The following PRICKLE2 variants were observed in gnomAD, a reference collection of about 807,000 sequenced individuals.
The protein encoded by PRICKLE2 is prickle planar cell polarity protein 2, also known as prickle-like protein 2.
A neutral mutation model predicts 81.4 loss-of-function variants in PRICKLE2; 21 were observed. That is an observed-to-expected ratio of 0.26 (90% CI 0.18 to 0.37). The LOEUF is 0.37. Ranked by LOEUF, PRICKLE2 falls within the 10% of genes least tolerant of loss-of-function variation. PRICKLE2 has a pLI of 1.00. For synonymous variants in PRICKLE2, 456 were observed against 421.5 expected (o/e 1.08, Z -1.00); for missense variants, 940 against 1,109.0 (o/e 0.85, Z 2.16).
At chr3:64,220,883 A>G (rs968092456) in intron 1 of PRICKLE2, among the ~76,000 whole-genome samples, 3 of 152,170 alleles carry the variant, frequency 2.0e-5, no homozygotes, top group African/African-American at 7.2e-5. Flanking sequence ...CCACCAGGGA[A>G]AGGCAGGCTC....
intron 7 of PRICKLE2, among the ~76,000 whole-genome samples, chr3:64,139,165 A>AGT (rs2077321705): frequency 6.6e-6 from 1 of 152,186 alleles, no homozygotes; most frequent in African/African-American, 2.4e-5. Context: ...TCCCTTGCCA[A>AGT]GGTGTGTAGA....
At chr3:64,114,551 A>T (rs2076903807) in intron 7 of PRICKLE2, among the ~76,000 whole-genome samples, 1 of 152,186 alleles carries the variant, frequency 6.6e-6, no homozygotes, top group Non-Finnish European at 1.5e-5. Flanking sequence ...GAGCTAAAAA[A>T]ACCCATTACA....
chr3:64,204,280 T>C (rs558934826), intron 1 of PRICKLE2, among the ~76,000 whole-genome samples: 5 of 152,314 alleles, frequency 3.3e-5, no homozygotes, highest in East Asian at 3.9e-4. Flanking sequence ...GCCATATGCC[T>C]GGCATTTAAG....
At chr3:64,149,824 T>TC (rs2077515360) in intron 6 of PRICKLE2, among the ~76,000 whole-genome samples, 1 of 151,972 alleles carries the variant, frequency 6.6e-6, no homozygotes, top group Admixed American at 6.6e-5. Flanking sequence ...ATTAGCTCTT[T>TC]CCCAAACTAT....
intron 7 of PRICKLE2, among the ~76,000 whole-genome samples, chr3:64,108,582 C>A (rs1025172036): frequency 2.0e-5 from 3 of 152,144 alleles, no homozygotes; most frequent in African/African-American, 4.8e-5. Context: ...AAAGTGTGAT[C>A]TGTGGACCAG....
chr3:64,248,775 A>T (rs2079397996), intron 2 of PRICKLE2, among the ~76,000 whole-genome samples: 1 of 152,096 alleles, frequency 6.6e-6, no homozygotes, highest in Non-Finnish European at 1.5e-5. Flanking sequence ...ATAATAGAAG[A>T]CTCTATAGAA....
At chr3:64,189,692 T>C (rs965409596) in intron 2 of PRICKLE2, among the ~76,000 whole-genome samples, 8 of 152,216 alleles carry the variant, frequency 5.3e-5, no homozygotes, top group African/African-American at 1.7e-4. Flanking sequence ...ATGGCTAGCA[T>C]GTGCCCAGCA....
At chr3:64,125,032 C>T (rs830008) in intron 7 of PRICKLE2, among the ~76,000 whole-genome samples, 87,110 of 152,030 alleles carry the variant, frequency 0.57, 25,357 homozygotes, top group East Asian at 0.84. Context: ...ATTAAGAACA[C>T]TCGTGATTCA....
intron 7 of PRICKLE2, among the ~76,000 whole-genome samples, chr3:64,136,923 A>G (rs2077288466): frequency 6.6e-6 from 1 of 152,246 alleles, no homozygotes; most frequent in South Asian, 2.1e-4. Context: ...TTGAATATTA[A>G]TGCAGTCATT....
At chr3:64,129,637 G>T (rs2106983420) in intron 7 of PRICKLE2, among the ~76,000 whole-genome samples, 1 of 152,258 alleles carries the variant, frequency 6.6e-6, no homozygotes, top group South Asian at 2.1e-4. Flanking sequence ...TGGAGTGACA[G>T]AAGGAACAAG....
At chr3:64,226,674 C>A (rs775393650), upstream of PRICKLE2, among the ~76,000 whole-genome samples, 1 of 152,154 alleles carries the variant, frequency 6.6e-6, no homozygotes, top group Non-Finnish European at 1.5e-5. Flanking sequence ...AAAAATTCAC[C>A]GAGGCATACT....
intron 2 of PRICKLE2, among the ~76,000 whole-genome samples, chr3:64,177,125 CTTTTTTTTTTTTTT>C (rs10690677): frequency 1.4e-5 from 1 of 70,838 alleles, no homozygotes; most frequent in African/African-American, 6.1e-5. Context: ...CCATTTTAAC[CTTTTTTTTTTTTTT>C]TTTTTTTTTT....
chr3:64,169,327 C>T (rs1575613857), intron 2 of PRICKLE2, among the ~76,000 whole-genome samples: 1 of 152,128 alleles, frequency 6.6e-6, no homozygotes, highest in Non-Finnish European at 1.5e-5. Flanking sequence ...TGAGCCTGGA[C>T]TTCAAAAAAT....
intron 7 of PRICKLE2, among the ~76,000 whole-genome samples, chr3:64,116,579 TA>T (rs1183822834): frequency 6.6e-6 from 1 of 152,122 alleles, no homozygotes; most frequent in Non-Finnish European, 1.5e-5. Context: ...TCTATGTACA[TA>T]AACTAGAAAA....
At chr3:64,126,548 T>A (rs1427959862) in intron 7 of PRICKLE2, among the ~76,000 whole-genome samples, 2 of 152,206 alleles carry the variant, frequency 1.3e-5, no homozygotes, top group Non-Finnish European at 2.9e-5. Flanking sequence ...GGGCTGCCTC[T>A]CATTAGCCAT....
At chr3:64,111,298 C>T (rs152245) in intron 7 of PRICKLE2, among the ~76,000 whole-genome samples, 139,888 of 152,284 alleles carry the variant, frequency 0.92, 65,229 homozygotes, top group Non-Finnish European at 1. Context: ...TTTTAAAGCA[C>T]TTTTACGCAT....
intron 2 of PRICKLE2, chr3:64,163,509 C>A: frequency 3.1e-6 from 1 of 324,002 alleles, no homozygotes; most frequent in Non-Finnish European, 6.0e-6. Flanking sequence ...CCTCCCTAGC[C>A]AAAGGGATAT....
Position 64,160,045 on chromosome 3 carries a change from C to T in PRICKLE2, c.291G>A (p.Glu97=). The T allele has an allele frequency of 1.9e-6, 3 of 1,614,188 alleles. No individual in the cohort carries two copies. The highest frequency in any genetic ancestry group is 1.1e-5 in the South Asian group (1 of 91,086). The change falls in exon 4 of 8, where the codon GAG becomes GAA. Residue 97 remains glutamate, a synonymous_variant. Coordinates refer to ENST00000638394, the MANE Select transcript of PRICKLE2 (RefSeq NM_198859.4). ...TGCTGAAAAGCTTCAGCTCCCTCTT[C>T]TCTTCCTCATCCAGGGAGTTGCAAT... ...VRYCNSLDEE[E]KRELKLFSSQ...
chr3:64,120,763 C>G (rs890653389), intron 7 of PRICKLE2, among the ~76,000 whole-genome samples: 2 of 152,082 alleles, frequency 1.3e-5, no homozygotes, highest in Non-Finnish European at 2.9e-5. Context: ...TCATAGAGAC[C>G]AACCAGGGGC....
Sources: allele counts gnomAD v4.1 joint callset (sites outside exome capture counted in the v4.1 genomes callset), GRCh38; gene constraint gnomAD v4.1.1; transcripts MANE v1.5; gene names NCBI Gene and HGNC (gene_info 2026-07-23, HGNC 2026-07-21).